NBAS: variants seen among roughly 807,000 people sequenced by gnomAD.
The protein encoded by NBAS is NBAS subunit of NRZ tethering complex.
In NBAS, 219 loss-of-function variants were observed where a neutral mutation model predicts 302.5. The observed-to-expected ratio is 0.72, with a 90% confidence interval of 0.65 to 0.81. NBAS has a LOEUF of 0.81. Ranked by LOEUF, NBAS falls within the 30% of genes least tolerant of loss-of-function variation. The probability of loss-of-function intolerance (pLI) is 0.00; values close to 1 mark genes in which losing one functional copy is unlikely to be tolerated. For synonymous variants in NBAS, 1,118 were observed against 1,021.6 expected (o/e 1.09, Z -1.80); for missense variants, 2,932 against 2,841.6 (o/e 1.03, Z -0.72).
chr2:15,205,352 A>G (rs1393025803), intron 48 of NBAS, among the ~76,000 whole-genome samples: 1 of 152,080 alleles, frequency 6.6e-6, no homozygotes, highest in Non-Finnish European at 1.5e-5. Context: ...GGAAGAGAAG[A>G]CAACAACACA....
At chr2:15,033,369 G>T in the NBAS span, among the ~76,000 whole-genome samples, 1 of 151,972 alleles carries the variant, frequency 6.6e-6, no homozygotes. Context: ...CACGCCTTGA[G>T]TTTCACCCAT....
At position 15,461,322 on chromosome 2, in the gene NBAS, C is replaced by CT; in HGVS notation, c.2217dup (p.Ala740SerfsTer32). 6.2e-7 allele frequency: 1 copy of CT among 1,612,300 alleles called. No individual in the cohort carries two copies. Among genetic ancestry groups the CT allele is most frequent in the East Asian group, 2.2e-5 (1 of 44,842 alleles). Reference sequence around the variant, plus strand: ...TGGTAAGTAAACAGAATTTCCAGGGCTTGTACATTACTTTCCTGTACAAAA... The same window carrying CT: ...TGGTAAGTAAACAGAATTTCCAGGGCTTTGTACATTACTTTCCTGTACAAAA... On this transcript the variant is annotated frameshift_variant, in exon 21 of 52. Transcript: ENST00000281513. LOFTEE classifies it high-confidence loss of function.
intron 21 of NBAS, among the ~76,000 whole-genome samples, chr2:15,440,347 T>G (rs1199643147): frequency 1.3e-5 from 2 of 152,190 alleles, no homozygotes; most frequent in Non-Finnish European, 2.9e-5. Flanking sequence ...CATTCGCGGT[T>G]CACGAAAAAC....
intron 21 of NBAS, among the ~76,000 whole-genome samples, chr2:15,444,393 A>T (rs1403604201): frequency 6.6e-6 from 1 of 152,234 alleles, no homozygotes; most frequent in Non-Finnish European, 1.5e-5. Flanking sequence ...GAGAACAACA[A>T]GCAATGGGGA....
the NBAS span, among the ~76,000 whole-genome samples, chr2:14,825,708 T>G: frequency 6.6e-6 from 1 of 152,184 alleles, no homozygotes; most frequent in African/African-American, 2.4e-5. Context: ...CCTAAGCAAT[T>G]CAAACTCTCC....
intron 25 of NBAS, among the ~76,000 whole-genome samples, chr2:15,408,963 G>C (rs1676553723): frequency 6.6e-6 from 1 of 152,166 alleles, no homozygotes; most frequent in Admixed American, 6.5e-5. Flanking sequence ...CTTGAGGCCA[G>C]AAGTTCCAGA....
intron 12 of NBAS, 105 bp from the exon 13 acceptor site, chr2:15,478,394 TG>T: frequency 2.4e-6 from 2 of 818,876 alleles, no homozygotes; most frequent in Non-Finnish European, 4.1e-6. Flanking sequence ...CGCTTTCCCT[TG>T]ATCTCTCAAT....
intron 17 of NBAS, 111 bp from the exon 18 acceptor site, chr2:15,467,915 G>A: frequency 1.0e-6 from 1 of 1,003,690 alleles, no homozygotes; most frequent in South Asian, 1.6e-5. Context: ...AAAAACAGAA[G>A]AAAGTATTTG....
At chr2:15,376,751 A>T (rs1674764096) in intron 30 of NBAS, among the ~76,000 whole-genome samples, 1 of 152,182 alleles carries the variant, frequency 6.6e-6, no homozygotes, top group African/African-American at 2.4e-5. Context: ...ATGCTAATTA[A>T]TAAATAATAC....
In NBAS at chr2:15,167,196, C is replaced by T. The variant is rs746117359; in HGVS notation, c.6968G>A (p.Gly2323Glu). 6.2e-7 allele frequency: 1 copy of T among 1,614,228 alleles called. No homozygotes were observed. The highest frequency in any genetic ancestry group is 8.5e-7 in the Non-Finnish European group (1 of 1,180,046). ...GCCCAGCTCCTCTGCATCCCAGCGC[C>T]CTTGCTGGAGGCTAGCCAAGAGGTG... Reference protein sequence around the residue: ...VDHLLASLQQGRWDAEELGRH... With the variant: ...VDHLLASLQQERWDAEELGRH... Residue 2323 changes from glycine to glutamate, a missense_variant, in exon 52 of 52, where the codon GGG becomes GAG. By Grantham distance (98) the Gly-to-Glu change is moderately conservative. Transcript: ENST00000281513.
intron 21 of NBAS, among the ~76,000 whole-genome samples, chr2:15,459,328 C>G (rs1679396559): frequency 6.6e-6 from 1 of 152,086 alleles, no homozygotes; most frequent in African/African-American, 2.4e-5. Context: ...TAGGAAAGAT[C>G]ATTTCCATTT....
chr2:15,518,527 A>C (rs1662511235), intron 9 of NBAS, among the ~76,000 whole-genome samples: 1 of 152,232 alleles, frequency 6.6e-6, no homozygotes, highest in Non-Finnish European at 1.5e-5. Flanking sequence ...ATGAAGATAC[A>C]GTAAAATGGA....
At chr2:15,031,446 C>T in the NBAS span, among the ~76,000 whole-genome samples, 5 of 152,152 alleles carry the variant, frequency 3.3e-5, no homozygotes, top group Admixed American at 3.3e-4. Context: ...TTGGTTGAGG[C>T]CTCGAGACAA....
At chr2:14,924,094 T>G in the NBAS span, among the ~76,000 whole-genome samples, 1 of 151,700 alleles carries the variant, frequency 6.6e-6, no homozygotes, top group Non-Finnish European at 1.5e-5. Flanking sequence ...CTTCTGATAC[T>G]CCCAAGATTC....
chr2:14,884,668 C>G, the NBAS span, among the ~76,000 whole-genome samples: 1 of 152,138 alleles, frequency 6.6e-6, no homozygotes, highest in Non-Finnish European at 1.5e-5. Context: ...CAACACAGCC[C>G]AGTGCTCTCC....
chr2:15,242,297 A>C (rs1406517784), intron 44 of NBAS, among the ~76,000 whole-genome samples: 2 of 152,222 alleles, frequency 1.3e-5, no homozygotes, highest in Non-Finnish European at 2.9e-5. Context: ...AGAGAACTAA[A>C]TATTTCAAAA....
chr2:15,324,213 A>G (rs1381917528), intron 38 of NBAS, among the ~76,000 whole-genome samples: 1 of 152,174 alleles, frequency 6.6e-6, no homozygotes, highest in Admixed American at 6.5e-5. Context: ...AAAATGGAAT[A>G]ATATTCTTCT....
chr2:14,873,137 T>A, the NBAS span, among the ~76,000 whole-genome samples: 1 of 152,214 alleles, frequency 6.6e-6, no homozygotes, highest in South Asian at 2.1e-4. Context: ...TACAGACAGC[T>A]GATTAGTCCA....
the NBAS span, among the ~76,000 whole-genome samples, chr2:15,109,607 C>T: frequency 7.9e-5 from 12 of 152,054 alleles, no homozygotes; most frequent in Non-Finnish European, 1.6e-4. Flanking sequence ...GATCAGGTGC[C>T]GGCACAGTCA....
Sources: gnomAD v4.1 joint callset for allele counts (sites outside exome capture counted in the v4.1 genomes callset) on GRCh38, gnomAD v4.1.1 for gene constraint, MANE v1.5 for transcripts, NCBI Gene and HGNC (gene_info 2026-07-23, HGNC 2026-07-21) for gene names.